MED20: variants seen among roughly 807,000 people sequenced by gnomAD.
MED20 encodes the protein mediator complex subunit 20.
MED20 carries 19 observed loss-of-function variants against 19.7 expected under a neutral mutation model. The ratio of observed to expected loss-of-function variants is 0.96; its 90% confidence interval spans 0.67 to 1.42. MED20 has a LOEUF of 1.42. Among genes scored for constraint, MED20 ranks in the 40% most tolerant of loss-of-function variants. The probability of loss-of-function intolerance (pLI) is 0.00; values close to 1 mark genes in which losing one functional copy is unlikely to be tolerated. For synonymous variants in MED20, 105 were observed against 104.8 expected, an observed-to-expected ratio of 1.00 and a Z score of -0.01; for missense variants, 225 against 273.0, an observed-to-expected ratio of 0.82 and a Z score of 1.24.
intron 3 of MED20, among the ~76,000 whole-genome samples, chr6:41,908,078 A>G (rs1267078368): frequency 1.3e-5 from 2 of 152,188 alleles, no homozygotes; most frequent in Non-Finnish European, 2.9e-5. Flanking sequence ...GATTCTTCCT[A>G]GACTTATCTA....
At chr6:41,914,645 G>C (rs528117548) in intron 2 of MED20, among the ~76,000 whole-genome samples, 1 of 151,946 alleles carries the variant, frequency 6.6e-6, no homozygotes, top group South Asian at 2.1e-4. Context: ...CCTAAGCCCA[G>C]GAGTTAGAGC....
At chr6:41,910,598 C>G (rs148414992) in intron 2 of MED20, among the ~76,000 whole-genome samples, 1,959 of 149,026 alleles carry the variant, frequency 0.013, 27 homozygotes, top group South Asian at 0.062. Flanking sequence ...TGTCACTGCA[C>G]TCCAGTCTGG....
At chr6:41,914,975 G>A (rs1041316282) in intron 2 of MED20, among the ~76,000 whole-genome samples, 4 of 152,162 alleles carry the variant, frequency 2.6e-5, no homozygotes, top group Non-Finnish European at 5.9e-5. Context: ...AGGATTGTCT[G>A]GATTGTTAAA....
intron 3 of MED20, 139 bp downstream of exon 3, chr6:41,909,130 T>G: frequency 8.6e-7 from 1 of 1,156,566 alleles, no homozygotes; most frequent in Non-Finnish European, 1.2e-6. Flanking sequence ...GCCAAGATTG[T>G]GCCATTGCAT....
intron 2 of MED20, among the ~76,000 whole-genome samples, chr6:41,911,996 G>A (rs955079088): frequency 1.3e-4 from 20 of 151,868 alleles, no homozygotes; most frequent in African/African-American, 4.8e-4. Context: ...GTGTGTGTGT[G>A]CGCTTAATGA....
At chr6:41,908,981 G>A (rs978238544) in intron 3 of MED20, 26 of 440,154 alleles carry the variant, frequency 5.9e-5, no homozygotes, top group South Asian at 2.1e-4. Flanking sequence ...CCAGGAGTCT[G>A]AGATCAGCCT....
Position 41,906,033 on chromosome 6 carries a change from A to G in MED20, c.*1039T>C, listed in dbSNP as rs2127372475. ...GCCAAAAGCATTCCTGGGCACGTCC[A>G]TTGAGCTCCATGTAACAGAAGCCAT... On this transcript the variant is annotated 3_prime_UTR_variant, in exon 4 of 4. Coordinates refer to ENST00000265350, the MANE Select transcript of MED20 (RefSeq NM_004275.5). The G allele has an allele frequency of 6.6e-6, 1 of 152,394 alleles. No individual in the cohort carries two copies. Among genetic ancestry groups the G allele is most frequent in the Non-Finnish European group, 1.5e-5 (1 of 68,046 alleles). The allele number at this position is 152,394 out of a possible 1,614,324, so 9.4% of individuals were successfully genotyped here.
chr6:41,915,539 G>A (rs1357225235), intron 2 of MED20, among the ~76,000 whole-genome samples: 1 of 152,012 alleles, frequency 6.6e-6, no homozygotes, highest in Non-Finnish European at 1.5e-5. Flanking sequence ...TATAATCCCA[G>A]CACTTCGGGA....
chr6:41,909,951 T>G (rs563752361), intron 2 of MED20, among the ~76,000 whole-genome samples: 1 of 152,154 alleles, frequency 6.6e-6, no homozygotes, highest in African/African-American at 2.4e-5. Flanking sequence ...TGCTCCCTTC[T>G]TCTGCACACT....
chr6:41,916,546 C>T (rs1218121989), intron 2 of MED20, among the ~76,000 whole-genome samples: 2 of 152,076 alleles, frequency 1.3e-5, no homozygotes, highest in Non-Finnish European at 2.9e-5. Flanking sequence ...CACCATTGCA[C>T]TCCAGCCTGG....
chr6:41,914,761 C>T (rs1000087810), intron 2 of MED20, among the ~76,000 whole-genome samples: 3 of 151,956 alleles, frequency 2.0e-5, no homozygotes, highest in African/African-American at 7.3e-5. Context: ...AGCCATCATC[C>T]CCCATCATCC....
intron 2 of MED20, among the ~76,000 whole-genome samples, chr6:41,910,647 A>G (rs1487417056): frequency 6.6e-6 from 1 of 151,686 alleles, no homozygotes; most frequent in East Asian, 1.9e-4. Flanking sequence ...AAAAAAAAGA[A>G]AAAAAAAGGT....
At position 41,920,783 on chromosome 6, in the gene MED20, C is replaced by CA; in HGVS notation, c.14+221dup. On this transcript the variant is annotated intron_variant, in intron 1 of 3. Transcript: ENST00000265350. ...AGACCCCGTCTTAAAAAAAACAAAACAAAACAAAAAAAAAACCTTTGCTTT... is the reference window on the plus strand; with the variant it reads ...AGACCCCGTCTTAAAAAAAACAAAACAAAAACAAAAAAAAAACCTTTGCTTT... 2.5e-4 allele frequency: 123 copies of CA among 501,112 alleles called. No individual in the cohort carries two copies. The East Asian group carries it at 3.5e-3, about 14-fold the overall frequency. The allele number at this position is 501,112 out of a possible 1,614,324, so 31.0% of individuals were successfully genotyped here. A position where few individuals can be genotyped will look rare whatever the true frequency, so the allele number is the denominator to read the frequency against.
intron 3 of MED20, 56 bp downstream of exon 3, chr6:41,909,213 C>T: frequency 6.4e-7 from 1 of 1,566,942 alleles, no homozygotes; most frequent in African/African-American, 1.4e-5. Context: ...TCTTCAGAGC[C>T]CTTTGCTAAG....
At chr6:41,907,328 T>G (rs1414729599) in intron 3 of MED20, 41 bp from the exon 4 acceptor site, 2 of 1,556,850 alleles carry the variant, frequency 1.3e-6, no homozygotes, top group Non-Finnish European at 8.7e-7. Flanking sequence ...GAATGAAGGC[T>G]AAGACAAGGT....
chr6:41,917,937 G>A (rs994192885), intron 1 of MED20: 3 of 314,124 alleles, frequency 9.6e-6, no homozygotes, highest in South Asian at 2.5e-5. Context: ...AAAAAGAAAA[G>A]CAGTCTTCAA....
intron 1 of MED20, 69 bp downstream of exon 1, chr6:41,920,936 T>C: frequency 1.3e-6 from 2 of 1,566,266 alleles, no homozygotes; most frequent in Non-Finnish European, 1.7e-6. Context: ...CGGCGGACCA[T>C]GGTCAAGGTC....
Position 41,916,839 on chromosome 6 carries a change from A to C in MED20, c.115T>G (p.Phe39Val). 1 of 1,613,960 alleles carries C rather than the reference A, an allele frequency of 6.2e-7. No homozygotes were observed. Among genetic ancestry groups the C allele is most frequent in the Non-Finnish European group, 8.5e-7 (1 of 1,179,968 alleles). ...TGGTAAGTCTCACAGTCCACACAAA[A>C]TGTTCCTTGCTTCTCTGCCCCAAGC... ...EMLGAEKQGT[F>V]CVDCETYHTA... is the part of the protein sequence containing the mutation. Residue 39 changes from phenylalanine to valine, a missense_variant, in exon 2 of 4, where the codon TTT becomes GTT. Coordinates refer to ENST00000265350, the MANE Select transcript of MED20 (RefSeq NM_004275.5).
chr6:41,915,664 G>C (rs979545673), intron 2 of MED20, among the ~76,000 whole-genome samples: 2 of 152,136 alleles, frequency 1.3e-5, no homozygotes, highest in Non-Finnish European at 2.9e-5. Flanking sequence ...GCAGGTGCCT[G>C]TAGTCCCAGC....
Sources: gnomAD v4.1 joint callset for allele counts (sites outside exome capture counted in the v4.1 genomes callset) on GRCh38, gnomAD v4.1.1 for gene constraint, MANE v1.5 for transcripts, NCBI Gene and HGNC (gene_info 2026-07-23, HGNC 2026-07-21) for gene names.